The following SLC22A3 variants were observed in gnomAD, a reference collection of about 807,000 sequenced individuals.
SLC22A3 encodes the protein solute carrier family 22 member 3.
SLC22A3 carries 51 observed loss-of-function variants against 59.1 expected under a neutral mutation model. That is an observed-to-expected ratio of 0.86 (90% confidence interval 0.69 to 1.09). The LOEUF is 1.09. Among genes scored for constraint, SLC22A3 ranks in the 50% least tolerant of loss-of-function variants. SLC22A3 has a pLI of 0.00. For missense variants in SLC22A3, 711 were observed against 726.3 expected (o/e 0.98, Z 0.24); for synonymous variants, 325 against 292.0 (o/e 1.11, Z -1.15).
rs1789004078 is a variant in SLC22A3 at position 160,452,413 on chromosome 6, A to G, written c.*1357A>G. ...TAATCTATTTGTCGATGAAATAAAC[A>G]CAACTCTTTGAGGATTTGAGACTAC... On this transcript the variant is annotated 3_prime_UTR_variant, in exon 11 of 11. Coordinates refer to ENST00000275300, the MANE Select transcript of SLC22A3 (RefSeq NM_021977.4). 1 of 152,192 alleles carries G rather than the reference A, an allele frequency of 6.6e-6. No homozygotes were observed. Among genetic ancestry groups the G allele is most frequent in the Admixed American group, 6.5e-5 (1 of 15,276 alleles). 9.4% of individuals were successfully genotyped at this position (152,192 alleles called of 1,614,324 possible).
intron 5 of SLC22A3, among the ~76,000 whole-genome samples, chr6:160,428,546 T>C (rs1343904828): frequency 6.6e-6 from 1 of 152,242 alleles, no homozygotes; most frequent in African/African-American, 2.4e-5. Flanking sequence ...TCATGAATAA[T>C]TTCATATTGG....
At chr6:160,427,146 G>T (rs1291339180) in intron 5 of SLC22A3, among the ~76,000 whole-genome samples, 1 of 152,168 alleles carries the variant, frequency 6.6e-6, no homozygotes, top group Admixed American at 6.5e-5. Context: ...AGCAATGGAA[G>T]AGATGCTTGT....
intron 10 of SLC22A3, among the ~76,000 whole-genome samples, chr6:160,448,762 T>G (rs552179335): frequency 6.6e-6 from 1 of 152,312 alleles, no homozygotes; most frequent in African/African-American, 2.4e-5. Context: ...AATATTAATA[T>G]GTGCCCTCTG....
intron 2 of SLC22A3, 104 bp from the exon 3 acceptor site, chr6:160,406,937 G>A (rs1279623539): frequency 3.8e-6 from 5 of 1,299,714 alleles, no homozygotes; most frequent in African/African-American, 1.5e-5. Context: ...ATGATATAAT[G>A]TAATACAGTA....
intron 9 of SLC22A3, among the ~76,000 whole-genome samples, chr6:160,444,446 G>A: frequency 6.6e-6 from 1 of 152,086 alleles, no homozygotes; most frequent in Admixed American, 6.5e-5. Context: ...ATCTTCATTG[G>A]CCCGATGCTA....
chr6:160,440,158 C>A (rs1192672663), intron 7 of SLC22A3, among the ~76,000 whole-genome samples: 4 of 152,224 alleles, frequency 2.6e-5, no homozygotes, highest in Non-Finnish European at 5.9e-5. Context: ...AATTTCTTAA[C>A]ACTCATTAAT....
chr6:160,370,958 G>T (rs1583453086), intron 1 of SLC22A3, among the ~76,000 whole-genome samples: 1 of 152,110 alleles, frequency 6.6e-6, no homozygotes, highest in African/African-American at 2.4e-5. Flanking sequence ...CTCAAATGCT[G>T]CCTAGAAGCC....
intron 1 of SLC22A3, among the ~76,000 whole-genome samples, chr6:160,394,883 C>G (rs1024349162): frequency 3.9e-5 from 6 of 152,196 alleles, no homozygotes; most frequent in African/African-American, 1.4e-4. Flanking sequence ...CCCACAGCCA[C>G]CACTGTCAGG....
At chr6:160,383,974 G>A (rs1037149869) in intron 1 of SLC22A3, among the ~76,000 whole-genome samples, 2 of 152,154 alleles carry the variant, frequency 1.3e-5, no homozygotes, top group Admixed American at 6.5e-5. Context: ...CTGTCACCCA[G>A]GCTGGAGTGC....
chr6:160,381,911 A>G (rs1377699502), intron 1 of SLC22A3, among the ~76,000 whole-genome samples: 1 of 152,202 alleles, frequency 6.6e-6, no homozygotes, highest in Non-Finnish European at 1.5e-5. Context: ...AAAATTTTTT[A>G]AGTTAAAAAT....
chr6:160,406,659 AG>A (rs1787025180), intron 2 of SLC22A3, among the ~76,000 whole-genome samples: 2 of 152,210 alleles, frequency 1.3e-5, no homozygotes, highest in South Asian at 4.1e-4. Context: ...TAGATGGTTG[AG>A]GTGAGATTCA....
intron 5 of SLC22A3, among the ~76,000 whole-genome samples, chr6:160,433,245 T>G (rs1329746900): frequency 6.6e-6 from 1 of 152,192 alleles, no homozygotes; most frequent in African/African-American, 2.4e-5. Flanking sequence ...ATGTCATAAT[T>G]CTGTGGTCAT....
intron 2 of SLC22A3, among the ~76,000 whole-genome samples, chr6:160,400,984 G>GAAAAAAAAAAAAAAAAAAAAAAACAA (rs58532600): frequency 2.5e-5 from 2 of 78,558 alleles, no homozygotes; most frequent in Non-Finnish European, 4.7e-5. Context: ...CTCCAAAACT[G>GAAAAAAAAAAAAAAAAAAAAAAACAA]AAAAAAAAAA....
At chr6:160,437,801 C>G (rs184812368) in intron 7 of SLC22A3, among the ~76,000 whole-genome samples, 2 of 152,132 alleles carry the variant, frequency 1.3e-5, no homozygotes. Flanking sequence ...ACTAAACATG[C>G]GTGAAGACTC....
At chr6:160,366,449 G>A (rs998151512) in intron 1 of SLC22A3, among the ~76,000 whole-genome samples, 18 of 152,172 alleles carry the variant, frequency 1.2e-4, no homozygotes, top group Admixed American at 2.6e-4. Flanking sequence ...ATACAGCCCC[G>A]TCCCAGCTGC....
rs745741451 is a variant in SLC22A3, at chr6:160,444,345, C to CCTAT, written c.1510+606_1510+609dup. ...TCCAGCCTGGGCAACAGGGTAAGAACCTATCTCTAAAATAAATAAATAATA... is the reference window on the plus strand; with the variant it reads ...TCCAGCCTGGGCAACAGGGTAAGAACCTATCTATCTCTAAAATAAATAAATAATA... On this transcript the variant is annotated intron_variant, in intron 9 of 10. Transcript: ENST00000275300. 1.9e-3 allele frequency among the ~76,000 whole-genome samples: 292 copies of CCTAT among 152,180 alleles called. 1 individual carries two copies. Among genetic ancestry groups the CCTAT allele is most frequent in the Non-Finnish European group, 3.2e-3 (218 of 68,008 alleles).
chr6:160,390,305 A>G (rs1278629793), intron 1 of SLC22A3, among the ~76,000 whole-genome samples: 1 of 152,074 alleles, frequency 6.6e-6, no homozygotes, highest in Non-Finnish European at 1.5e-5. Flanking sequence ...AAGGAGGGAG[A>G]GCAATTCAGA....
intron 1 of SLC22A3, among the ~76,000 whole-genome samples, chr6:160,387,076 C>T (rs1458364904): frequency 6.6e-6 from 1 of 152,240 alleles, no homozygotes; most frequent in South Asian, 2.1e-4. Context: ...AGGCCCAGCT[C>T]TTACCTCTGG....
chr6:160,413,328 G>C lies in SLC22A3; in HGVS notation c.975+2482G>C, dbSNP rs188528787. On this transcript the variant is annotated intron_variant, in intron 5 of 10. Coordinates refer to ENST00000275300, the MANE Select transcript of SLC22A3 (RefSeq NM_021977.4). ...ATGTTCCACATGGCTGTGCTTATGA[G>C]AGATCATGAACTATGGGATCCAGTG... 1.9e-3 allele frequency among the ~76,000 whole-genome samples: 282 copies of C among 152,350 alleles called. 1 individual carries two copies. Among genetic ancestry groups the C allele is most frequent in the Non-Finnish European group, 2.9e-3 (198 of 68,022 alleles).
Sources: gnomAD v4.1 joint callset for allele counts (sites outside exome capture counted in the v4.1 genomes callset) on GRCh38, gnomAD v4.1.1 for gene constraint, MANE v1.5 for transcripts, NCBI Gene and HGNC (gene_info 2026-07-23, HGNC 2026-07-21) for gene names.